Variants in PTX3 observed in about 807,000 individuals in gnomAD.
PTX3 encodes pentraxin-related protein PTX3.
In PTX3, 24 loss-of-function variants were observed where a neutral mutation model predicts 23.5. The observed-to-expected ratio is 1.02, with a 90% CI of 0.74 to 1.43. The LOEUF (loss-of-function observed/expected upper bound fraction) is 1.43. Ranked by LOEUF, PTX3 falls within the 40% of genes most tolerant of loss-of-function variation. The probability of loss-of-function intolerance (pLI) is 0.00; values close to 1 mark genes in which losing one functional copy is unlikely to be tolerated. For synonymous variants in PTX3, 218 were observed against 205.4 expected (o/e 1.06, Z -0.53); for missense variants, 510 against 497.5 (o/e 1.02, Z -0.24).
chr3:157,439,793 C>G (rs563141091), intron 2 of PTX3, among the ~76,000 whole-genome samples: 1 of 152,322 alleles, frequency 6.6e-6, no homozygotes, highest in African/African-American at 2.4e-5. Flanking sequence ...CTCTGTCGCC[C>G]AGGCTGGAGT....
In PTX3 at chr3:157,437,577, C is replaced by G; in HGVS notation, c.195C>G (p.Asn65Lys). Residue 65 changes from asparagine to lysine, a missense_variant, in exon 2 of 3, where the codon AAC (asparagine) becomes AAG (lysine). Asn to Lys is a moderately conservative substitution (Grantham distance 94, BLOSUM62 0). Transcript: ENST00000295927. ...ACAAGCTCTTCATCATGCTGGAGAACTCGCAGATGAGAGAGCGCATGCTGC... is the reference window on the plus strand; with the variant it reads ...ACAAGCTCTTCATCATGCTGGAGAAGTCGCAGATGAGAGAGCGCATGCTGC... Reference protein sequence around the residue: ...EWDKLFIMLENSQMRERMLLQ... With the variant: ...EWDKLFIMLEKSQMRERMLLQ... 1 of 1,595,782 alleles carries G rather than the reference C, an allele frequency of 6.3e-7. No homozygotes were observed. Among genetic ancestry groups the G allele is most frequent in the Non-Finnish European group, 8.5e-7 (1 of 1,172,828 alleles).
rs555169605 is a variant in PTX3, at chr3:157,437,859, G to A, written c.477G>A (p.Thr159=). The part of the protein sequence containing the change: ...LAAVLEELRQ[T]RADLHAVQGW... The stretch of plus-strand genomic sequence containing the variant: ...CGGTGCTAGAGGAGCTGCGGCAGAC[G>A]CGAGCCGACCTGCACGCGGTGCAGG... Residue 159 remains threonine (T), a synonymous_variant, in exon 2 of 3, where the codon ACG becomes ACA. Transcript: ENST00000295927. 96 of 1,498,936 alleles carry A rather than the reference G, an allele frequency of 6.4e-5. No individual in the cohort carries two copies. The African/African-American group carries it at 1.2e-3, about 18-fold the overall frequency. 92.9% of individuals were successfully genotyped at this position (1,498,936 alleles called of 1,614,324 possible).
rs774898149 is a variant in PTX3 at position 157,437,569 on chromosome 3, C to T, written c.187C>T (p.Leu63=). 6.2e-7 allele frequency: 1 copy of T among 1,600,070 alleles called. No homozygotes were observed. The highest frequency in any genetic ancestry group is 8.5e-7 in the Non-Finnish European group (1 of 1,174,824). ...GGAATGGGACAAGCTCTTCATCATG[C>T]TGGAGAACTCGCAGATGAGAGAGCG... ...HSEWDKLFIM[L]ENSQMRERML... Residue 63 remains leucine (L), a synonymous_variant, in exon 2 of 3, where the codon CTG becomes TTG. Coordinates refer to ENST00000295927, the MANE Select transcript of PTX3 (RefSeq NM_002852.4).
chr3:157,440,618 A>C (rs1426018493), intron 2 of PTX3, among the ~76,000 whole-genome samples: 3 of 152,116 alleles, frequency 2.0e-5, no homozygotes, highest in Non-Finnish European at 4.4e-5. Context: ...ATTTATATAC[A>C]TATATGTATG....
At chr3:157,441,756 G>A (rs1293487848) in intron 2 of PTX3, among the ~76,000 whole-genome samples, 1 of 151,526 alleles carries the variant, frequency 6.6e-6, no homozygotes, top group African/African-American at 2.4e-5. Flanking sequence ...GTTGCCGTGA[G>A]TCGAGATCGC....
chr3:157,440,628 G>GTATACATACATACATATCCATATGTATA (rs1734043534), intron 2 of PTX3, among the ~76,000 whole-genome samples: 2 of 151,652 alleles, frequency 1.3e-5, no homozygotes, highest in African/African-American at 2.4e-5. Context: ...ATATATGTAT[G>GTATACATACATACATATCCATATGTATA]TATACATACA....
At chr3:157,442,171 A>T (rs1442836357) in intron 2 of PTX3, among the ~76,000 whole-genome samples, 195 bp from the exon 3 acceptor site, 1 of 152,140 alleles carries the variant, frequency 6.6e-6, no homozygotes, top group Non-Finnish European at 1.5e-5. Context: ...ATTGGATAAG[A>T]CAATTGGCTT....
At position 157,442,520 on chromosome 3, in the gene PTX3, A is replaced by T. The variant is rs16827644; in HGVS notation, c.687A>T (p.Thr229=). 1.6e-3 allele frequency: 2,645 copies of T among 1,614,200 alleles called. 35 individuals carry two copies. Among genetic ancestry groups the T allele is most frequent in the South Asian group, 0.015 (1,346 of 91,082 alleles). The change falls in exon 3 of 3, where the codon ACA becomes ACT. Residue 229 remains threonine (T), a synonymous_variant. Coordinates refer to ENST00000295927, the MANE Select transcript of PTX3 (RefSeq NM_002852.4). The part of the protein sequence containing the change: ...LNKTILFSYG[T]KRNPYEIQLY... The stretch of plus-strand genomic sequence containing the variant: ...AAACCATCCTGTTTTCCTATGGCAC[A>T]AAGAGGAATCCATATGAAATCCAGC...
intron 2 of PTX3, 108 bp downstream of exon 2, chr3:157,438,022 C>G (rs1175126912): frequency 4.4e-6 from 3 of 679,842 alleles, no homozygotes; most frequent in South Asian, 2.1e-5. Flanking sequence ...TCATGGGAAG[C>G]GCGCGCGCGC....
chr3:157,437,080 T>G lies in PTX3; in HGVS notation c.130+17T>G, dbSNP rs1405850022. On this transcript the variant is annotated intron_variant, in intron 1 of 2. Transcript: ENST00000295927. ...CTGAGGACCGTAAGTTCACTTTAAC[T>G]GTTTCTCTGCTAACCCTGACTACAT... 2 of 1,612,580 alleles carry G rather than the reference T, an allele frequency of 1.2e-6. No individual in the cohort carries two copies. The highest frequency in any genetic ancestry group is 8.5e-7 in the Non-Finnish European group (1 of 1,178,832).
chr3:157,438,037 G>GCACACACACACACACACACACA (rs781700719), intron 2 of PTX3, 123 bp downstream of exon 2: 1 of 451,414 alleles, frequency 2.2e-6, no homozygotes, highest in Non-Finnish European at 3.7e-6. Flanking sequence ...GCGCGCGCGC[G>GCACACACACACACACACACACA]CACACACACA....
intron 1 of PTX3, 137 bp from the exon 2 acceptor site, chr3:157,437,376 T>C: frequency 9.5e-7 from 1 of 1,058,172 alleles, no homozygotes; most frequent in Non-Finnish European, 1.4e-6. Flanking sequence ...ATGCTGTTTT[T>C]CGGAGGTGTC....
intron 2 of PTX3, among the ~76,000 whole-genome samples, chr3:157,438,228 C>T (rs1733826820): frequency 6.6e-6 from 1 of 152,022 alleles, no homozygotes; most frequent in Non-Finnish European, 1.5e-5. Flanking sequence ...CCCCTTACAC[C>T]CGATCCGACT....
At chr3:157,438,800 A>C (rs1161254157) in intron 2 of PTX3, among the ~76,000 whole-genome samples, 1 of 152,234 alleles carries the variant, frequency 6.6e-6, no homozygotes, top group East Asian at 1.9e-4. Context: ...GAGCCAATCA[A>C]TACTCCTTTG....
rs1284066446 is a variant in PTX3, at chr3:157,436,947, C to A, written c.14C>A (p.Ala5Glu). MHLL[A>E]ILFCALWSAV... is the part of the protein sequence containing the mutation. ...GTCTCTCCAGCAATGCATCTCCTTGCGATTCTGTTTTGTGCTCTCTGGTCT... is the reference window on the plus strand; with the variant it reads ...GTCTCTCCAGCAATGCATCTCCTTGAGATTCTGTTTTGTGCTCTCTGGTCT... Residue 5 changes from alanine (A) to glutamate (E), a missense_variant, in exon 1 of 3, where the codon GCG becomes GAG. Transcript: ENST00000295927. 1.2e-6 allele frequency: 2 copies of A among 1,613,470 alleles called. No homozygotes were observed. The highest frequency in any genetic ancestry group is 1.7e-6 in the Non-Finnish European group (2 of 1,179,808).
Position 157,437,765 on chromosome 3 carries a change from G to C in PTX3, c.383G>C (p.Gly128Ala). 1 of 1,486,112 alleles carries C rather than the reference G, an allele frequency of 6.7e-7. No individual in the cohort carries two copies. The highest frequency in any genetic ancestry group is 2.8e-5 in the East Asian group (1 of 36,274). The allele number at this position is 1,486,112 out of a possible 1,614,324, so 92.1% of individuals were successfully genotyped here. A position where few individuals can be genotyped will look rare whatever the true frequency, so the allele number is the denominator to read the frequency against. The change falls in exon 2 of 3, where the codon GGC becomes GCC. Residue 128 changes from glycine to alanine, a missense_variant. Physicochemically the swap from Gly to Ala is moderately conservative, Grantham distance 60. Transcript: ENST00000295927. The stretch of plus-strand genomic sequence containing the variant: ...CTGCTGCAGGCGACCCGCGACGCGG[G>C]CCGCAGGCTGGCGCGTATGGAGGGC... Reference protein sequence around the residue: ...DELLQATRDAGRRLARMEGAE... With the variant: ...DELLQATRDAARRLARMEGAE...
At chr3:157,439,638 G>C (rs972262171) in intron 2 of PTX3, among the ~76,000 whole-genome samples, 1 of 152,222 alleles carries the variant, frequency 6.6e-6, no homozygotes, top group East Asian at 1.9e-4. Context: ...GAGGGAAGCT[G>C]AGTCTCTGAG....
In PTX3 at chr3:157,436,881, A is replaced by T. The variant is rs1733621141; in HGVS notation, c.-53A>T. 2 of 1,592,598 alleles carry T rather than the reference A, an allele frequency of 1.3e-6. No individual in the cohort carries two copies. On this transcript the variant is annotated 5_prime_UTR_variant, in exon 1 of 3. Coordinates refer to ENST00000295927, the MANE Select transcript of PTX3 (RefSeq NM_002852.4). Reference sequence around the variant, plus strand: ...ACTCTCCTCCGCTCAAACTCAGCTCACTTGAGAGTCTCCTCCCGCCAGCTG... The same window carrying T: ...ACTCTCCTCCGCTCAAACTCAGCTCTCTTGAGAGTCTCCTCCCGCCAGCTG...
chr3:157,437,491 G>C, intron 1 of PTX3, 22 bp from the exon 2 acceptor site: 2 of 1,593,902 alleles, frequency 1.3e-6, no homozygotes, highest in Non-Finnish European at 1.7e-6. Flanking sequence ...GGCTGCTAAC[G>C]TGTGTGTATC....
Sources: gnomAD v4.1 joint callset for allele counts (sites outside exome capture counted in the v4.1 genomes callset) on GRCh38, gnomAD v4.1.1 for gene constraint, MANE v1.5 for transcripts, NCBI Gene and HGNC (gene_info 2026-07-23, HGNC 2026-07-21) for gene names.